Variants in TPO observed in about 807,000 individuals in gnomAD.
TPO encodes the protein thyroid peroxidase.
Under a neutral mutation model 96.9 loss-of-function variants are expected in TPO, and 78 were observed. The ratio of observed to expected loss-of-function variants is 0.81; its 90% CI spans 0.67 to 0.97. The LOEUF is 0.97. TPO is among the 50% of genes least tolerant of loss of function. TPO has a pLI of 0.00. For missense variants in TPO, 1,252 were observed against 1,274.8 expected, an observed-to-expected ratio of 0.98 and a Z score of 0.27; for synonymous variants, 547 against 538.0, an observed-to-expected ratio of 1.02 and a Z score of -0.23.
Position 1,401,373 on chromosome 2 carries a change from G to C in TPO, n.180+26971G>C, listed in dbSNP as rs756819473. On this transcript the variant is annotated intron_variant and non_coding_transcript_variant, in intron 1 of 5. Transcript: ENST00000497517. ...CAGAGACAATGCACCCAATCAGTTA[G>C]AGCAGGAGCCCCAGCCACAGGGGAG... Among the ~76,000 whole-genome samples, 140 of 152,174 alleles carry C rather than the reference G, an allele frequency of 9.2e-4. 2 individuals are homozygous for C. The highest frequency in any genetic ancestry group is 1.9e-4 in the Non-Finnish European group (13 of 68,038).
intron 7 of TPO, among the ~76,000 whole-genome samples, chr2:1,460,199 G>A (rs1479894850): frequency 6.6e-6 from 1 of 152,134 alleles, no homozygotes; most frequent in African/African-American, 2.4e-5. Context: ...GCATCCCAAA[G>A]TGCTGGGATT....
chr2:1,423,163 C>T (rs756978806), intron 3 of TPO, 34 bp downstream of exon 3: 1 of 1,602,006 alleles, frequency 6.2e-7, no homozygotes, highest in Non-Finnish European at 8.5e-7. Context: ...GCCCCAAATG[C>T]CACCGACAGG....
chr2:1,447,512 C>G (rs1008493439), intron 5 of TPO, among the ~76,000 whole-genome samples: 2 of 152,198 alleles, frequency 1.3e-5, no homozygotes, highest in African/African-American at 4.8e-5. Context: ...GACACAAGTT[C>G]TCAGGATCTC....
intron 5 of TPO, among the ~76,000 whole-genome samples, chr2:1,448,202 C>T (rs975802013): frequency 2.0e-5 from 3 of 152,214 alleles, no homozygotes; most frequent in African/African-American, 7.2e-5. Flanking sequence ...GTGTAGTACC[C>T]ACTCCCAGAC....
chr2:1,457,667 A>C (rs1055384285), intron 7 of TPO, among the ~76,000 whole-genome samples: 5 of 151,724 alleles, frequency 3.3e-5, no homozygotes, highest in African/African-American at 1.2e-4. Flanking sequence ...ACATGCATAT[A>C]TAGCATATAT....
At chr2:1,534,205 C>A (rs1309307059) in intron 15 of TPO, among the ~76,000 whole-genome samples, 1 of 65,282 alleles carries the variant, frequency 1.5e-5, no homozygotes, top group African/African-American at 5.4e-5. Context: ...TGCAACCCCC[C>A]AATCTCCCCC....
Position 1,476,998 on chromosome 2 carries a change from G to A in TPO, c.820-88G>A. 9 of 1,484,218 alleles carry A rather than the reference G, an allele frequency of 6.1e-6. No individual in the cohort carries two copies. In the South Asian group the frequency reaches 9.2e-5, roughly 15 times the overall value. The allele number at this position is 1,484,218 out of a possible 1,614,324, so 91.9% of individuals were successfully genotyped here. On this transcript the variant is annotated intron_variant, in intron 7 of 16. Coordinates refer to ENST00000329066, the MANE Select transcript of TPO (RefSeq NM_001206744.2). ...GAGGGGCAGAGAAACGTGCGGCGCT[G>A]CGGGGTCGTCGCCGGCCTCGAACTT... is the stretch of plus-strand genomic sequence containing the variant.
intron 5 of TPO, among the ~76,000 whole-genome samples, chr2:1,451,366 C>T (rs754797019): frequency 2.6e-5 from 4 of 152,150 alleles, no homozygotes; most frequent in East Asian, 1.9e-4. Flanking sequence ...ACCATAAAGG[C>T]GATGGTAATT....
At position 1,430,472 on chromosome 2, in the gene TPO, G is replaced by A. The variant is rs547030648; in HGVS notation, c.180-2966G>A. Among the ~76,000 whole-genome samples, 87 of 152,350 alleles carry A rather than the reference G, an allele frequency of 5.7e-4. 2 individuals are homozygous for A. In the Middle Eastern group the frequency reaches 0.014, roughly 24 times the overall value. ...ACTCTACTAGGGCCATGCTGAGGGG[G>A]AATGTGAGGTTGAAGCCCCCACACA... On this transcript the variant is annotated intron_variant, in intron 3 of 16. Transcript: ENST00000329066.
At chr2:1,491,912 C>T (rs1033263254) in intron 10 of TPO, among the ~76,000 whole-genome samples, 5 of 152,152 alleles carry the variant, frequency 3.3e-5, no homozygotes, top group East Asian at 1.9e-4. Flanking sequence ...GATCACAGGG[C>T]GGCAGAGCCC....
In TPO at chr2:1,458,369, G is replaced by A. The variant is rs576053436; in HGVS notation, c.819+2087G>A. On this transcript the variant is annotated intron_variant, in intron 7 of 16. Transcript: ENST00000329066. ...ATATAGTATATAAGACAGTTTGTGG[G>A]CACATGTGTATATGGCATATAAGAC... Among the ~76,000 whole-genome samples the A allele has an allele frequency of 1.1e-4, 16 of 151,692 alleles. 1 individual carries two copies. The South Asian group carries it at 3.1e-3, about 30-fold the overall frequency.
chr2:1,503,813 C>T, intron 13 of TPO, 135 bp from the exon 14 acceptor site: 1 of 1,538,444 alleles, frequency 6.5e-7, no homozygotes, highest in Non-Finnish European at 8.9e-7. Flanking sequence ...GCGGCCGGTT[C>T]CCCCTAGACC....
At chr2:1,537,059 T>TTC (rs1679882565) in intron 15 of TPO, among the ~76,000 whole-genome samples, 3 of 73,924 alleles carry the variant, frequency 4.1e-5, no homozygotes, top group Non-Finnish European at 5.4e-5. Context: ...CCTCCCCAAA[T>TTC]CCCTGCCACT....
chr2:1,406,320 T>G (rs1034951220), intron 1 of TPO, among the ~76,000 whole-genome samples: 9 of 152,248 alleles, frequency 5.9e-5, no homozygotes, highest in African/African-American at 2.2e-4. Flanking sequence ...ATTGAAGTAT[T>G]GGGCTTAAAA....
chr2:1,471,720 T>C (rs1353806898), intron 7 of TPO, among the ~76,000 whole-genome samples: 1 of 152,028 alleles, frequency 6.6e-6, no homozygotes, highest in Non-Finnish European at 1.5e-5. Flanking sequence ...ATTTGAAGTG[T>C]GTGTAGGGGA....
chr2:1,485,436 G>T (rs1345381003), intron 9 of TPO, among the ~76,000 whole-genome samples: 2 of 152,110 alleles, frequency 1.3e-5, no homozygotes, highest in Admixed American at 1.3e-4. Context: ...TTGGATCGCT[G>T]GGTCAAATGG....
chr2:1,409,697 G>A (rs1224817698), upstream of TPO, among the ~76,000 whole-genome samples: 3 of 152,024 alleles, frequency 2.0e-5, no homozygotes, highest in South Asian at 2.1e-4. Context: ...TGCAGCCCAC[G>A]GCCGTCGGGG....
In TPO at chr2:1,385,011, C is replaced by T. The variant is rs1161492500; in HGVS notation, n.180+10609C>T. 7.0e-4 allele frequency among the ~76,000 whole-genome samples: 107 copies of T among 152,230 alleles called. 1 individual carries two copies. Among genetic ancestry groups the T allele is most frequent in the African/African-American group, 2.2e-3 (90 of 41,548 alleles). On this transcript the variant is annotated intron_variant and non_coding_transcript_variant, in intron 1 of 5. Transcript: ENST00000497517. ...TTGGTTCTGTTTATATGCTGGATTA[C>T]GTTTATTGATTTGCGTATGTTGAAC...
rs186177225 is a variant in TPO, at chr2:1,425,140, C to G, written c.179+2011C>G. On this transcript the variant is annotated intron_variant, in intron 3 of 16. Transcript: ENST00000329066. ...TCTATGCAGTCATTGTTCTAGATGC[C>G]GGGATACAGAGATGAGTTAGATTAT... Among the ~76,000 whole-genome samples the G allele has an allele frequency of 4.6e-3, 692 of 151,818 alleles. 5 individuals are homozygous for G. The highest frequency in any genetic ancestry group is 0.019 in the South Asian group (92 of 4,774).
Sources: allele counts gnomAD v4.1 joint callset (sites outside exome capture counted in the v4.1 genomes callset), GRCh38; gene constraint gnomAD v4.1.1; transcripts MANE v1.5; gene names NCBI Gene and HGNC (gene_info 2026-07-23, HGNC 2026-07-21).